GNL2: variants seen among roughly 807,000 people sequenced by gnomAD.
GNL2 encodes the protein G protein nucleolar 2, also known as nucleolar GTP-binding protein 2.
GNL2 carries 51 observed loss-of-function variants against 92.3 expected under a neutral mutation model. The ratio of observed to expected loss-of-function variants is 0.55; its 90% CI spans 0.44 to 0.70. GNL2 has a LOEUF of 0.70. Ranked by LOEUF, GNL2 falls within the 30% of genes least tolerant of loss-of-function variation. GNL2 has a pLI of 0.00. For synonymous variants in GNL2, 283 were observed against 300.6 expected (o/e 0.94, Z 0.61); for missense variants, 844 against 895.6 (o/e 0.94, Z 0.74).
chr1:37,568,747 A>C (rs747422815), intron 13 of GNL2, 104 bp downstream of exon 13: 15 of 825,788 alleles, frequency 1.8e-5, no homozygotes, highest in Non-Finnish European at 3.0e-5. Context: ...CAACCGAACA[A>C]ACAAATGGCA....
chr1:37,575,643 CACACCTGG>C lies in GNL2; in HGVS notation c.1087_1094del (p.Pro363GlyfsTer5). On this transcript the variant is annotated frameshift_variant, in exon 10 of 16. Transcript: ENST00000373062. LOFTEE classifies it high-confidence loss of function. This position sits in a 1 kb window ranked among gnomAD's most constrained non-coding sequence, Gnocchi z 4.1. ...TCTCGGAGTCCTCAGAGGGGTAAAC[CACACCTGG>C]ACAGTCAATCAGGAATATCCGACGC... is the stretch of plus-strand genomic sequence containing the variant. The C allele has an allele frequency of 6.3e-7, 1 of 1,599,934 alleles. No individual in the cohort carries two copies. The highest frequency in any genetic ancestry group is 2.3e-5 in the East Asian group (1 of 44,260).
At chr1:37,583,108 G>T in intron 6 of GNL2, 172 bp from the exon 7 acceptor site, 1 of 422,792 alleles carries the variant, frequency 2.4e-6, no homozygotes, top group East Asian at 3.6e-5. Context: ...AATTCAAAAG[G>T]TTTTTCATCC....
At chr1:37,568,453 C>T (rs1643542190) in intron 13 of GNL2, 96 bp from the exon 14 acceptor site, 2 of 737,360 alleles carry the variant, frequency 2.7e-6, no homozygotes, top group Non-Finnish European at 2.4e-6. Flanking sequence ...TAAAGAAACC[C>T]CACTCCTATC....
At position 37,590,767 on chromosome 1, in the gene GNL2, T is replaced by C. The variant is rs759309484; in HGVS notation, c.323A>G (p.Lys108Arg). 2 of 1,611,604 alleles carry C rather than the reference T, an allele frequency of 1.2e-6. No homozygotes were observed. Among genetic ancestry groups the C allele is most frequent in the Non-Finnish European group, 1.7e-6 (2 of 1,177,756 alleles). The change falls in exon 4 of 16, where the codon AAA becomes AGA. Residue 108 changes from lysine (K) to arginine (R), a missense_variant. Transcript: ENST00000373062. ...EMDTVMKDPY[K>R]VVMKQSKLPM... ...TAACTTGCTTTGCTTCATGACAACT[T>C]TGTATGGATCCTTCATAACTGTATC...
chr1:37,583,748 A>C (rs1643808577), intron 6 of GNL2, 119 bp downstream of exon 6: 1 of 658,434 alleles, frequency 1.5e-6, no homozygotes, highest in Non-Finnish European at 2.7e-6. Context: ...AGAGGATGGA[A>C]CAGGCAGTGG....
chr1:37,593,447 G>C, intron 2 of GNL2: 1 of 276,340 alleles, frequency 3.6e-6, no homozygotes, highest in Non-Finnish European at 6.8e-6. Flanking sequence ...CCTAACTACA[G>C]TCCTGTAGGT....
At chr1:37,594,768 T>C (rs1453158580) in intron 1 of GNL2, among the ~76,000 whole-genome samples, 4 of 152,210 alleles carry the variant, frequency 2.6e-5, no homozygotes, top group Non-Finnish European at 2.9e-5. Context: ...CTTGAACTCC[T>C]GACCTCGGGT....
intron 12 of GNL2, among the ~76,000 whole-genome samples, chr1:37,572,776 G>C (rs1220328575): frequency 6.6e-6 from 1 of 152,178 alleles, no homozygotes; most frequent in Non-Finnish European, 1.5e-5. Context: ...TGAATTTGTA[G>C]TTAGCCGGGC....
intron 1 of GNL2, among the ~76,000 whole-genome samples, chr1:37,595,525 G>A (rs930223854): frequency 2.0e-5 from 3 of 152,186 alleles, no homozygotes; most frequent in African/African-American, 7.2e-5. Flanking sequence ...CTTCAGACCA[G>A]TTGACTACAC....
chr1:37,587,274 A>C (rs752812618), intron 5 of GNL2, 37 bp downstream of exon 5: 27 of 1,507,642 alleles, frequency 1.8e-5, no homozygotes, highest in Non-Finnish European at 2.2e-5. Context: ...CTCAAAAAAA[A>C]AAAAACAAAA....
At position 37,575,543 on chromosome 1, in the gene GNL2, T is replaced by C. The variant is rs1643664684; in HGVS notation, c.1143+52A>G. 1 of 1,124,370 alleles carries C rather than the reference T, an allele frequency of 8.9e-7. No individual in the cohort carries two copies. The highest frequency in any genetic ancestry group is 2.6e-5 in the East Asian group (1 of 38,858). 69.6% of individuals were successfully genotyped at this position (1,124,370 alleles called of 1,614,324 possible). On this transcript the variant is annotated intron_variant, in intron 10 of 15. Coordinates refer to ENST00000373062, the MANE Select transcript of GNL2 (RefSeq NM_013285.3). This position sits in a 1 kb window ranked among gnomAD's most constrained non-coding sequence, Gnocchi z 4.1. The stretch of plus-strand genomic sequence containing the variant: ...AAAAGGAAAGGTATCCAGGGTTCCC[T>C]ATAGAACACTCCCCCGCAAACACAA...
At chr1:37,571,499 G>C (rs1643593606) in intron 12 of GNL2, among the ~76,000 whole-genome samples, 1 of 152,138 alleles carries the variant, frequency 6.6e-6, no homozygotes, top group South Asian at 2.1e-4. Flanking sequence ...ATCTGCATGA[G>C]AACACAGCTT....
rs754941786 is a variant in GNL2, at chr1:37,592,817, G to GA, written c.150-12dup. The GA allele has an allele frequency of 6.9e-7, 1 of 1,440,454 alleles. No homozygotes were observed. The highest frequency in any genetic ancestry group is 1.1e-5 in the South Asian group (1 of 87,066). The allele number at this position is 1,440,454 out of a possible 1,614,324, so 89.2% of individuals were successfully genotyped here. ...TTACCACGACTGTTCCTAAATTGAGGAAAGAACAGATATTGGTTGACAACA... is the reference window on the plus strand; with the variant it reads ...TTACCACGACTGTTCCTAAATTGAGGAAAAGAACAGATATTGGTTGACAACA... On this transcript the variant is annotated splice_polypyrimidine_tract_variant and intron_variant, in intron 2 of 15. Transcript: ENST00000373062.
intron 4 of GNL2, among the ~76,000 whole-genome samples, chr1:37,590,057 C>G (rs943565508): frequency 6.6e-6 from 1 of 152,232 alleles, no homozygotes; most frequent in African/African-American, 2.4e-5. Flanking sequence ...GGGCCAAGTG[C>G]TTTACAGATG....
intron 12 of GNL2, chr1:37,570,446 C>T (rs947764967): frequency 7.3e-5 from 11 of 151,628 alleles, no homozygotes; most frequent in African/African-American, 2.2e-4. Context: ...AGGAGAATCA[C>T]TTGAACCCAG....
At chr1:37,585,389 T>A (rs1053566856) in intron 5 of GNL2, among the ~76,000 whole-genome samples, 1 of 151,934 alleles carries the variant, frequency 6.6e-6, no homozygotes, top group African/African-American at 2.4e-5. Context: ...TTTACCACAA[T>A]AAAACATTAA....
chr1:37,583,406 T>TA (rs1217362409), intron 6 of GNL2: 1 of 159,834 alleles, frequency 6.3e-6, no homozygotes, highest in Non-Finnish European at 1.4e-5. Flanking sequence ...TGCATGGACA[T>TA]AAACCTCTGC....
At chr1:37,585,178 C>G (rs1250151621) in intron 5 of GNL2, among the ~76,000 whole-genome samples, 3 of 151,080 alleles carry the variant, frequency 2.0e-5, no homozygotes, top group Non-Finnish European at 4.4e-5. Context: ...CCAGCCTCAG[C>G]CTCCCAAGTA....
intron 3 of GNL2, among the ~76,000 whole-genome samples, chr1:37,591,837 C>T (rs771446100): frequency 1.3e-5 from 2 of 152,158 alleles, no homozygotes; most frequent in Non-Finnish European, 2.9e-5. Context: ...CCATGACAGT[C>T]TTATGAGATA....
Sources: allele counts gnomAD v4.1 joint callset (sites outside exome capture counted in the v4.1 genomes callset), GRCh38; gene constraint gnomAD v4.1.1; non-coding constraint Gnocchi (gnomAD v3.1); transcripts MANE v1.5; gene names NCBI Gene and HGNC (gene_info 2026-07-23, HGNC 2026-07-21).